Variants in CNTN4 observed in about 807,000 individuals in gnomAD.
CNTN4 encodes the protein contactin 4.
In CNTN4, 77 loss-of-function variants were observed where a neutral mutation model predicts 122.5. That is an observed-to-expected ratio of 0.63 (90% CI 0.52 to 0.76). The LOEUF (loss-of-function observed/expected upper bound fraction) is 0.76, where lower values mean the gene tolerates loss of function less well. CNTN4 is among the 30% of genes least tolerant of loss of function. The pLI is 0.00. For synonymous variants in CNTN4, 512 were observed against 447.0 expected (o/e 1.15, Z -1.83); for missense variants, 1,256 against 1,259.1 (o/e 1.00, Z 0.04).
At chr3:2,843,455 T>C (rs1489468803) in intron 7 of CNTN4, among the ~76,000 whole-genome samples, 1 of 152,154 alleles carries the variant, frequency 6.6e-6, no homozygotes. Flanking sequence ...TTTTGTTACA[T>C]AAAAGCCAGG....
intron 8 of CNTN4, among the ~76,000 whole-genome samples, chr3:2,880,296 C>T (rs1049156152): frequency 6.6e-6 from 1 of 152,188 alleles, no homozygotes; most frequent in African/African-American, 2.4e-5. Flanking sequence ...CTCCCTCTAA[C>T]ACATGATACA....
chr3:2,632,118 A>G (rs1270425355), intron 4 of CNTN4, among the ~76,000 whole-genome samples: 1 of 151,922 alleles, frequency 6.6e-6, no homozygotes, highest in East Asian at 1.9e-4. Flanking sequence ...ATATATATAT[A>G]AACTTTGTTT....
intron 2 of CNTN4, among the ~76,000 whole-genome samples, chr3:2,169,924 CAATA>C (rs1347210426): frequency 6.6e-6 from 1 of 152,064 alleles, no homozygotes; most frequent in Non-Finnish European, 1.5e-5. Flanking sequence ...ATGGGTTCTT[CAATA>C]AATTTTTACA....
chr3:2,251,832 C>A (rs986087148), intron 2 of CNTN4, among the ~76,000 whole-genome samples: 1 of 151,564 alleles, frequency 6.6e-6, no homozygotes, highest in Non-Finnish European at 1.5e-5. Flanking sequence ...TTTATTGAAG[C>A]CACATCATGA....
chr3:2,412,458 G>A (rs1212753996), intron 3 of CNTN4, among the ~76,000 whole-genome samples: 7 of 151,892 alleles, frequency 4.6e-5, no homozygotes, highest in South Asian at 2.1e-4. Context: ...TCACTATGTC[G>A]GTCAGGCTGG....
intron 2 of CNTN4, among the ~76,000 whole-genome samples, chr3:2,229,203 A>T (rs1206362045): frequency 6.6e-6 from 1 of 152,194 alleles, no homozygotes; most frequent in African/African-American, 2.4e-5. Flanking sequence ...TTATCGATGT[A>T]TTTCATCATT....
At chr3:2,512,438 T>C (rs905554937) in intron 3 of CNTN4, among the ~76,000 whole-genome samples, 3 of 152,174 alleles carry the variant, frequency 2.0e-5, no homozygotes, top group Admixed American at 1.3e-4. Flanking sequence ...CAAATTAATA[T>C]TTATTATTCA....
intron 2 of CNTN4, among the ~76,000 whole-genome samples, chr3:2,263,535 A>G: frequency 6.6e-6 from 1 of 152,132 alleles, no homozygotes; most frequent in East Asian, 1.9e-4. Flanking sequence ...TGGAGTGCAT[A>G]TGATATTTTG....
chr3:2,131,477 T>A (rs144274782), intron 2 of CNTN4, among the ~76,000 whole-genome samples: 2 of 152,152 alleles, frequency 1.3e-5, no homozygotes, highest in Admixed American at 1.3e-4. Flanking sequence ...TTAGAATAAA[T>A]ATACTTCTAG....
intron 2 of CNTN4, among the ~76,000 whole-genome samples, chr3:2,272,201 C>T (rs1023635472): frequency 6.6e-6 from 1 of 151,980 alleles, no homozygotes; most frequent in African/African-American, 2.4e-5. Flanking sequence ...ATACAGCTTA[C>T]TACTGTAGCT....
chr3:2,475,726 A>T (rs914010169), intron 3 of CNTN4, among the ~76,000 whole-genome samples: 1 of 152,200 alleles, frequency 6.6e-6, no homozygotes, highest in African/African-American at 2.4e-5. Context: ...ATGCAAAAAT[A>T]ACAACAATAA....
chr3:2,353,172 A>C (rs925228545), intron 3 of CNTN4, among the ~76,000 whole-genome samples: 1 of 151,690 alleles, frequency 6.6e-6, no homozygotes, highest in Non-Finnish European at 1.5e-5. Flanking sequence ...ACCAATCAGC[A>C]CTGTGTATCT....
intron 3 of CNTN4, among the ~76,000 whole-genome samples, chr3:2,532,451 C>A (rs544731444): frequency 6.6e-6 from 1 of 152,152 alleles, no homozygotes; most frequent in East Asian, 1.9e-4. Flanking sequence ...AGAATTCTTT[C>A]TTTTGACCAA....
chr3:2,610,010 C>G (rs952517950), intron 4 of CNTN4, among the ~76,000 whole-genome samples: 1 of 152,072 alleles, frequency 6.6e-6, no homozygotes, highest in Non-Finnish European at 1.5e-5. Context: ...TTCTTGATTT[C>G]TCTGTCTCTC....
chr3:2,993,167 T>C (rs756331497), intron 14 of CNTN4, among the ~76,000 whole-genome samples: 7 of 152,178 alleles, frequency 4.6e-5, no homozygotes, highest in Non-Finnish European at 7.4e-5. Context: ...ATGAAACTTT[T>C]ATGAAATTCA....
intron 3 of CNTN4, among the ~76,000 whole-genome samples, chr3:2,374,626 G>A (rs1343533232): frequency 2.6e-5 from 4 of 151,836 alleles, no homozygotes; most frequent in African/African-American, 9.7e-5. Flanking sequence ...ATGTGGCAAG[G>A]CTTGTTTGAA....
At chr3:2,766,376 T>G (rs1028057166) in intron 6 of CNTN4, among the ~76,000 whole-genome samples, 1 of 152,216 alleles carries the variant, frequency 6.6e-6, no homozygotes, top group Non-Finnish European at 1.5e-5. Context: ...GATAAAGAAC[T>G]GTGGTATACA....
At chr3:2,500,091 C>A (rs912579182) in intron 3 of CNTN4, among the ~76,000 whole-genome samples, 6 of 151,976 alleles carry the variant, frequency 3.9e-5, no homozygotes, top group Non-Finnish European at 7.4e-5. Context: ...ATGTCAACAT[C>A]CTACAGTATC....
intron 14 of CNTN4, among the ~76,000 whole-genome samples, chr3:3,013,081 G>A (rs182865332): frequency 2.0e-5 from 3 of 152,070 alleles, no homozygotes; most frequent in Non-Finnish European, 2.9e-5. Context: ...CAAATCTTTG[G>A]CATCAATAGT....
Sources: gnomAD v4.1 joint callset for allele counts (sites outside exome capture counted in the v4.1 genomes callset) on GRCh38, gnomAD v4.1.1 for gene constraint, MANE v1.5 for transcripts, NCBI Gene and HGNC (gene_info 2026-07-23, HGNC 2026-07-21) for gene names.